MTREX: variants seen among roughly 807,000 people sequenced by gnomAD.
MTREX encodes the protein Mtr4 exosome RNA helicase.
MTREX carries 76 observed loss-of-function variants against 135.4 expected under a neutral mutation model. The observed-to-expected ratio is 0.56, with a 90% CI of 0.47 to 0.68. The LOEUF is 0.68. Among genes scored for constraint, MTREX ranks in the 30% least tolerant of loss-of-function variants. The pLI is 0.00. For missense variants in MTREX, 920 were observed against 1,262.1 expected, an observed-to-expected ratio of 0.73 and a Z score of 4.11; for synonymous variants, 404 against 401.6, an observed-to-expected ratio of 1.01 and a Z score of -0.07.
Position 55,349,364 on chromosome 5 carries a change from T to G in MTREX, c.1241-209T>G, listed in dbSNP as rs572191998. On this transcript the variant is annotated intron_variant, in intron 11 of 26. Transcript: ENST00000230640. ...GCAATGCCTGGCTAATTTTTTTGTA[T>G]TTTTTGTAGAGACAGGGCTTCGCCA... 5.3e-5 allele frequency among the ~76,000 whole-genome samples: 8 copies of G among 152,052 alleles called. No homozygotes were observed. Among genetic ancestry groups the G allele is most frequent in the Admixed American group, 1.3e-4 (2 of 15,258 alleles).
At chr5:55,372,896 G>A (rs1355128983) in intron 16 of MTREX, among the ~76,000 whole-genome samples, 3 of 61,172 alleles carry the variant, frequency 4.9e-5, no homozygotes, top group Non-Finnish European at 9.8e-5. Flanking sequence ...ACTGTAATGT[G>A]TGTGTGTGTG....
intron 16 of MTREX, among the ~76,000 whole-genome samples, chr5:55,368,445 A>T (rs998493079): frequency 2.1e-4 from 32 of 152,282 alleles, no homozygotes; most frequent in Middle Eastern, 3.4e-3. Context: ...GCGAGACTCC[A>T]TCTCAAAAAA....
chr5:55,317,882 A>T (rs1054226118), intron 1 of MTREX, among the ~76,000 whole-genome samples: 1 of 152,250 alleles, frequency 6.6e-6, no homozygotes, highest in Non-Finnish European at 1.5e-5. Flanking sequence ...TATGCATTTG[A>T]CAAAGGTCTA....
rs1751076547 is a variant in MTREX at position 55,422,887 on chromosome 5, T to C, written c.2981T>C (p.Ile994Thr). 2.5e-6 allele frequency: 4 copies of C among 1,613,226 alleles called. No individual in the cohort carries two copies. In the East Asian group the frequency reaches 8.9e-5, roughly 36 times the overall value. ...KMTDVFEGSI[I>T]RCMRRLEELL... ...TTCCTTTTCTATCCAGGCAGCATAA[T>C]TCGTTGTATGAGGCGCCTGGAAGAA... The change falls in exon 26 of 27, where the codon ATT becomes ACT. Residue 994 changes from isoleucine to threonine, a missense_variant. By Grantham distance (89) the Ile-to-Thr change is moderately conservative (BLOSUM62 -1). This residue lies in a region of MTREX where 467 missense variants were observed against 589.7 expected (regional missense o/e 0.79). Coordinates refer to ENST00000230640, the MANE Select transcript of MTREX (RefSeq NM_015360.5).
chr5:55,372,910 G>A (rs991482118), intron 16 of MTREX, among the ~76,000 whole-genome samples: 2 of 149,994 alleles, frequency 1.3e-5, no homozygotes, highest in African/African-American at 4.9e-5. Flanking sequence ...GTGTGTGTGT[G>A]TGTGTGTGTG....
intron 16 of MTREX, among the ~76,000 whole-genome samples, chr5:55,375,517 T>A (rs1750282519): frequency 6.6e-6 from 1 of 152,208 alleles, no homozygotes; most frequent in African/African-American, 2.4e-5. Context: ...TTTAAGGTTA[T>A]CTCTCTTATT....
intron 9 of MTREX, 56 bp downstream of exon 9, chr5:55,344,676 C>T: frequency 2.0e-6 from 2 of 992,612 alleles, no homozygotes; most frequent in Non-Finnish European, 3.0e-6. Context: ...TTATTAATAT[C>T]TTGTTGTTGT....
chr5:55,361,678 G>A (rs1024633670), intron 15 of MTREX, among the ~76,000 whole-genome samples: 4 of 151,574 alleles, frequency 2.6e-5, no homozygotes, highest in Admixed American at 6.6e-5. Context: ...GCCTGGTCTC[G>A]AACTCCTGAC....
intron 5 of MTREX, among the ~76,000 whole-genome samples, chr5:55,339,323 T>C (rs1363645995): frequency 6.6e-6 from 1 of 152,220 alleles, no homozygotes; most frequent in Non-Finnish European, 1.5e-5. Flanking sequence ...CAACTTCTGA[T>C]TTTTTAAAAA....
intron 19 of MTREX, among the ~76,000 whole-genome samples, chr5:55,389,422 G>A (rs1368028748): frequency 6.6e-6 from 1 of 152,126 alleles, no homozygotes; most frequent in East Asian, 1.9e-4. Flanking sequence ...GGCAAACTGA[G>A]GGCCTTTCCT....
intron 8 of MTREX, 65 bp from the exon 9 acceptor site, chr5:55,344,457 G>T: frequency 3.0e-6 from 3 of 1,001,806 alleles, no homozygotes; most frequent in South Asian, 1.4e-5. Context: ...CTTTTAGGTT[G>T]GACTAAGATA....
chr5:55,328,937 T>C (rs1335042827), intron 5 of MTREX, 126 bp downstream of exon 5: 2 of 550,726 alleles, frequency 3.6e-6, no homozygotes, highest in African/African-American at 3.8e-5. Context: ...TTCTTTTTCA[T>C]GTCTTATTGA....
intron 2 of MTREX, 112 bp from the exon 3 acceptor site, chr5:55,324,020 G>A (rs1408903835): frequency 2.8e-6 from 2 of 712,992 alleles, no homozygotes; most frequent in African/African-American, 1.8e-5. Context: ...TTCCTATTTG[G>A]AATACTGATG....
chr5:55,366,635 T>C (rs1453024714), intron 15 of MTREX, 90 bp from the exon 16 acceptor site: 5 of 917,476 alleles, frequency 5.4e-6, no homozygotes, highest in Non-Finnish European at 7.7e-6. Context: ...TTTCTTAATG[T>C]AGACTGTTAT....
rs1204537426 is a variant in MTREX at position 55,318,977 on chromosome 5, TTCA to T, written c.135-3349_135-3347del. On this transcript the variant is annotated intron_variant, in intron 1 of 26. Transcript: ENST00000230640. ...AATGGCACCAAAATTCTTGTACATC[TTCA>T]CTCAAATATTCTAAATTTTAACACT... Among the ~76,000 whole-genome samples, 4 of 150,890 alleles carry T rather than the reference TTCA, an allele frequency of 2.7e-5. No homozygotes were observed. In the East Asian group the frequency reaches 7.8e-4, roughly 29 times the overall value.
At position 55,328,747 on chromosome 5, in the gene MTREX, G is replaced by A; in HGVS notation, c.451G>A (p.Val151Ile). The change falls in exon 5 of 27, where the codon GTT (valine) becomes ATT (isoleucine). Residue 151 changes from valine to isoleucine, a missense_variant. Val to Ile is a conservative substitution (Grantham distance 29). Around this residue, in one of 6 missense-constraint regions of MTREX, gnomAD observed 82 missense variants for 107.4 expected, o/e 0.76. Coordinates refer to ENST00000230640, the MANE Select transcript of MTREX (RefSeq NM_015360.5). Reference sequence around the variant, plus strand: ...TTTTCAAAGAGAGGCCATTCAGTGTGTTGACAATAATCAGTCTGTTCTAGT... The same window carrying A: ...TTTTCAAAGAGAGGCCATTCAGTGTATTGACAATAATCAGTCTGTTCTAGT... ...DAFQREAIQC[V>I]DNNQSVLVSA... 6.2e-7 allele frequency: 1 copy of A among 1,613,628 alleles called. No individual in the cohort carries two copies. Among genetic ancestry groups the A allele is most frequent in the Non-Finnish European group, 8.5e-7 (1 of 1,179,696 alleles).
At chr5:55,390,059 T>G (rs1750541099) in intron 19 of MTREX, among the ~76,000 whole-genome samples, 1 of 152,112 alleles carries the variant, frequency 6.6e-6, no homozygotes, top group Admixed American at 6.6e-5. Flanking sequence ...TGAGTGGATA[T>G]GATGCCAAAT....
chr5:55,420,052 T>TA (rs1561214768), intron 25 of MTREX, among the ~76,000 whole-genome samples: 1 of 152,214 alleles, frequency 6.6e-6, no homozygotes, highest in Admixed American at 6.5e-5. Flanking sequence ...ACCTGATACT[T>TA]ACTCGTTTAA....
intron 19 of MTREX, among the ~76,000 whole-genome samples, chr5:55,396,755 T>A (rs1207440893): frequency 6.6e-6 from 1 of 152,154 alleles, no homozygotes; most frequent in Non-Finnish European, 1.5e-5. Context: ...CCAGTGAAAA[T>A]TGTGTTTTCA....
Sources: gnomAD v4.1 joint callset for allele counts (sites outside exome capture counted in the v4.1 genomes callset) on GRCh38, gnomAD v4.1.1 for gene constraint, gnomAD v4.1.1 regional missense constraint, MANE v1.5 for transcripts, NCBI Gene and HGNC (gene_info 2026-07-23, HGNC 2026-07-21) for gene names.